COL6A6: variants seen among roughly 807,000 people sequenced by gnomAD.
COL6A6 encodes the protein collagen alpha-6(VI) chain.
In COL6A6, 183 loss-of-function variants were observed where a neutral mutation model predicts 208.6. That is an observed-to-expected ratio of 0.88 (90% CI 0.78 to 0.99). The LOEUF (loss-of-function observed/expected upper bound fraction) is 0.99, where lower values mean the gene tolerates loss of function less well. Ranked by LOEUF, COL6A6 falls within the 50% of genes least tolerant of loss-of-function variation. The pLI is 0.00. For missense variants in COL6A6, 2,816 were observed against 2,815.2 expected, an observed-to-expected ratio of 1.00 and a Z score of -0.01; for synonymous variants, 973 against 1,011.8, an observed-to-expected ratio of 0.96 and a Z score of 0.73.
In COL6A6 at chr3:130,563,608, T is replaced by C. The variant is rs766676671; in HGVS notation, c.605T>C (p.Ile202Thr). Residue 202 changes from isoleucine to threonine, a missense_variant, in exon 3 of 37, where the codon ATC becomes ACC. Coordinates refer to ENST00000358511, the MANE Select transcript of COL6A6 (RefSeq NM_001102608.3). ...LSMFSQNMTH[I>T]IKDVIKYKEG... ...ATGTTTTCCCAAAACATGACACACA[T>C]CATCAAGGATGTAATAAAGTACAAG... 5.0e-6 allele frequency: 8 copies of C among 1,613,894 alleles called. 1 individual carries two copies. The South Asian group carries it at 8.8e-5, about 18-fold the overall frequency.
intron 1 of COL6A6, among the ~76,000 whole-genome samples, chr3:130,547,329 T>C (rs2062534672): frequency 6.6e-6 from 1 of 152,240 alleles, no homozygotes; most frequent in Admixed American, 6.5e-5. Context: ...TGCTCAGGGC[T>C]GGTGGCACCT....
intron 1 of COL6A6, among the ~76,000 whole-genome samples, chr3:130,532,889 T>C (rs1249679504): frequency 3.9e-5 from 6 of 152,096 alleles, no homozygotes; most frequent in Non-Finnish European, 8.8e-5. Flanking sequence ...TAGGCATCTC[T>C]CCTGACCTCT....
At chr3:130,550,692 A>G (rs1372249191) in intron 1 of COL6A6, among the ~76,000 whole-genome samples, 10 of 152,164 alleles carry the variant, frequency 6.6e-5, no homozygotes, top group Non-Finnish European at 1.2e-4. Flanking sequence ...ATAGCAAGGG[A>G]AAGACCAGCC....
intron 1 of COL6A6, among the ~76,000 whole-genome samples, chr3:130,558,611 T>C (rs959130061): frequency 6.6e-6 from 1 of 152,192 alleles, no homozygotes; most frequent in Admixed American, 6.5e-5. Context: ...CTTCACTCAA[T>C]ACCGATTTCT....
intron 11 of COL6A6, among the ~76,000 whole-genome samples, chr3:130,588,636 G>T (rs1445338918): frequency 6.6e-6 from 1 of 152,176 alleles, no homozygotes; most frequent in East Asian, 1.9e-4. Context: ...ATTGGGCACT[G>T]TCTAAATTCT....
chr3:130,546,664 C>T (rs186787414), intron 1 of COL6A6, among the ~76,000 whole-genome samples: 135 of 152,278 alleles, frequency 8.9e-4, no homozygotes, highest in Non-Finnish European at 1.6e-3. Context: ...ATTTACAATC[C>T]TCTAGCTAGA....
intron 23 of COL6A6, among the ~76,000 whole-genome samples, chr3:130,611,102 C>T (rs1025280317): frequency 8.5e-5 from 13 of 152,238 alleles, no homozygotes; most frequent in South Asian, 2.1e-4. Flanking sequence ...CACCTAGAAC[C>T]TTCCCCAGGA....
chr3:130,524,895 C>A (rs1386607366), intron 1 of COL6A6, among the ~76,000 whole-genome samples: 2 of 152,096 alleles, frequency 1.3e-5, no homozygotes, highest in African/African-American at 2.4e-5. Flanking sequence ...AGCCACTAAG[C>A]AATTTTGGGC....
intron 36 of COL6A6, among the ~76,000 whole-genome samples, chr3:130,669,878 A>C (rs892711190): frequency 6.6e-6 from 1 of 152,240 alleles, no homozygotes; most frequent in African/African-American, 2.4e-5. Flanking sequence ...ATTCTGTACA[A>C]ACACACATAT....
rs2065957781 is a variant in COL6A6 at position 130,662,292 on chromosome 3, T to C, written c.6486T>C (p.Phe2162=). The stretch of plus-strand genomic sequence containing the variant: ...ATGGTGTGAAGTTTGTGAAGTCCTT[T>C]ATAAACTCAATCAGGCGTAAGTCAT... ...HSYGVKFVKS[F]INSIRRAINK... is the part of the protein sequence containing the mutation. Residue 2162 remains phenylalanine, a synonymous_variant, in exon 35 of 37, where the codon TTT becomes TTC. Transcript: ENST00000358511. 1 of 1,612,904 alleles carries C rather than the reference T, an allele frequency of 6.2e-7. No individual in the cohort carries two copies. Among genetic ancestry groups the C allele is most frequent in the Non-Finnish European group, 8.5e-7 (1 of 1,179,220 alleles).
chr3:130,596,241 C>A (rs2063847691), intron 18 of COL6A6, among the ~76,000 whole-genome samples: 1 of 152,144 alleles, frequency 6.6e-6, no homozygotes, highest in Non-Finnish European at 1.5e-5. Flanking sequence ...AAAGAACTAT[C>A]CACATATAAG....
Position 130,608,923 on chromosome 3 carries a change from C to A in COL6A6, c.4711C>A (p.Pro1571Thr), listed in dbSNP as rs1276556211. The change falls in exon 22 of 37, where the codon CCA becomes ACA. Residue 1571 changes from proline to threonine, a missense_variant. Pro to Thr is a conservative substitution (Grantham distance 38). Transcript: ENST00000358511. ...GPQGTAGIPG[P>T]DGLEGSLGLK... is the part of the protein sequence containing the mutation. ...ACAGGGAACAGCAGGCATCCCAGGA[C>A]CAGATGGACTTGAAGGCTCCCTGGG... 6.2e-7 allele frequency: 1 copy of A among 1,613,138 alleles called. No individual in the cohort carries two copies. The highest frequency in any genetic ancestry group is 1.7e-5 in the Admixed American group (1 of 59,884).
chr3:130,628,406 A>C (rs1173190222), intron 26 of COL6A6, among the ~76,000 whole-genome samples: 4 of 152,194 alleles, frequency 2.6e-5, no homozygotes, highest in Non-Finnish European at 5.9e-5. Flanking sequence ...TCAGAAAAAC[A>C]TTTATCCCAA....
chr3:130,597,025 G>C (rs1029450478), intron 18 of COL6A6, among the ~76,000 whole-genome samples: 1 of 152,108 alleles, frequency 6.6e-6, no homozygotes, highest in Non-Finnish European at 1.5e-5. Context: ...TATGCAATTT[G>C]GGTTGTTCTG....
intron 28 of COL6A6, among the ~76,000 whole-genome samples, chr3:130,635,969 G>T (rs2065100500): frequency 6.6e-6 from 1 of 152,230 alleles, no homozygotes; most frequent in Non-Finnish European, 1.5e-5. Context: ...TAGTGAGCAA[G>T]TTCACCTGTT....
In COL6A6 at chr3:130,565,408, G is replaced by T. The variant is rs199516958; in HGVS notation, c.1076G>T (p.Gly359Val). Residue 359 changes from glycine (G) to valine (V), a missense_variant, in exon 4 of 37, where the codon GGT (glycine) becomes GTT (valine). Physicochemically the swap from Gly to Val is moderately radical, Grantham distance 109. Transcript: ENST00000358511. Reference sequence around the variant, plus strand: ...GCAGCTGTTAACCTCCGACGGGAGGGTGTGACCATCTTCACCCTGGGCATA... The same window carrying T: ...GCAGCTGTTAACCTCCGACGGGAGGTTGTGACCATCTTCACCCTGGGCATA... ...TKAAVNLRRE[G>V]VTIFTLGIEG... 1 of 1,613,752 alleles carries T rather than the reference G, an allele frequency of 6.2e-7. No individual in the cohort carries two copies. Among genetic ancestry groups the T allele is most frequent in the African/African-American group, 1.3e-5 (1 of 74,874 alleles).
chr3:130,533,132 G>A (rs1387617963), intron 1 of COL6A6, among the ~76,000 whole-genome samples: 3 of 151,660 alleles, frequency 2.0e-5, no homozygotes, highest in South Asian at 2.1e-4. Flanking sequence ...AGGGAAAATC[G>A]ACTTTTCTTC....
At position 130,581,536 on chromosome 3, in the gene COL6A6, G is replaced by A. The variant is rs770673000; in HGVS notation, c.3548-25G>A. 9 of 1,525,202 alleles carry A rather than the reference G, an allele frequency of 5.9e-6. No homozygotes were observed. The East Asian group carries it at 1.6e-4, about 27-fold the overall frequency. 94.5% of individuals were successfully genotyped at this position (1,525,202 alleles called of 1,614,324 possible). On this transcript the variant is annotated intron_variant, in intron 8 of 36. Coordinates refer to ENST00000358511, the MANE Select transcript of COL6A6 (RefSeq NM_001102608.3). ...ATAAAGGCGTTTGTTGATTTATTAAGACATGCTTTTCCTTTGAATCCTAGA... is the reference window on the plus strand; with the variant it reads ...ATAAAGGCGTTTGTTGATTTATTAAAACATGCTTTTCCTTTGAATCCTAGA...
intron 35 of COL6A6, among the ~76,000 whole-genome samples, chr3:130,663,121 T>C (rs2065979498): frequency 1.3e-5 from 2 of 152,200 alleles, no homozygotes; most frequent in South Asian, 2.1e-4. Flanking sequence ...GAGGTCCTGA[T>C]TGTGTCTCAA....
Sources: gnomAD v4.1 joint callset for allele counts (sites outside exome capture counted in the v4.1 genomes callset) on GRCh38, gnomAD v4.1.1 for gene constraint, MANE v1.5 for transcripts, NCBI Gene and HGNC (gene_info 2026-07-23, HGNC 2026-07-21) for gene names.